The following SORCS2 variants were observed in gnomAD, a reference collection of about 807,000 sequenced individuals.
The protein encoded by SORCS2 is sortilin related VPS10 domain containing receptor 2, also known as VPS10 domain-containing receptor SorCS2.
SORCS2 carries 100 observed loss-of-function variants against 141.6 expected under a neutral mutation model. The observed-to-expected ratio is 0.71, with a 90% confidence interval of 0.60 to 0.83. SORCS2 has a LOEUF of 0.83. Among genes scored for constraint, SORCS2 ranks in the 40% least tolerant of loss-of-function variants. The pLI, the probability that SORCS2 is intolerant of heterozygous loss-of-function variation, is 0.00. For missense variants in SORCS2, 1,646 were observed against 1,560.2 expected (o/e 1.05, Z -0.93); for synonymous variants, 789 against 676.9 (o/e 1.17, Z -2.57).
intron 8 of SORCS2, among the ~76,000 whole-genome samples, chr4:7,669,137 TTTC>T (rs985998889): frequency 8.5e-5 from 13 of 152,344 alleles, no homozygotes; most frequent in African/African-American, 3.1e-4. Flanking sequence ...TTACACTGGT[TTTC>T]TTCTTCTTGC....
At position 7,265,445 on chromosome 4, in the gene SORCS2, T is replaced by A. The variant is rs554116204; in HGVS notation, c.480+72319T>A. Reference sequence around the variant, plus strand: ...GGCAGAGGGTGCAGTGAGCCGAGATTGCACCACTGCACTCCAGCCTGGTGA... The same window carrying A: ...GGCAGAGGGTGCAGTGAGCCGAGATAGCACCACTGCACTCCAGCCTGGTGA... On this transcript the variant is annotated intron_variant, in intron 1 of 26. Coordinates refer to ENST00000507866, the MANE Select transcript of SORCS2 (RefSeq NM_020777.3). Among the ~76,000 whole-genome samples the A allele has an allele frequency of 3.3e-5, 5 of 152,212 alleles. No homozygotes were observed. In the South Asian group the frequency reaches 6.2e-4, roughly 19 times the overall value.
At position 7,736,252 on chromosome 4, in the gene SORCS2, A is replaced by G. The variant is rs149231482; in HGVS notation, c.3312-817A>G. On this transcript the variant is annotated intron_variant, in intron 25 of 26. Transcript: ENST00000507866. ...CTTGGCCCTCGTCTCTCAAGGCTCT[A>G]GACTGAGGCAGCAGCGCTGCTTTGA... 3.1e-3 allele frequency among the ~76,000 whole-genome samples: 474 copies of G among 152,370 alleles called. 2 individuals are homozygous for G. The highest frequency in any genetic ancestry group is 0.011 in the African/African-American group (442 of 41,592).
chr4:7,544,762 C>T lies in SORCS2; in HGVS notation c.648+13133C>T, dbSNP rs543393710. 3.3e-5 allele frequency among the ~76,000 whole-genome samples: 5 copies of T among 152,344 alleles called. No individual in the cohort carries two copies. The East Asian group carries it at 7.7e-4, about 24-fold the overall frequency. Reference sequence around the variant, plus strand: ...ACCCACAGCTCCCTGAGAACGAAGCCAGGCTCCTGGAAGTCACCTGCCATC... The same window carrying T: ...ACCCACAGCTCCCTGAGAACGAAGCTAGGCTCCTGGAAGTCACCTGCCATC... On this transcript the variant is annotated intron_variant, in intron 3 of 26. Transcript: ENST00000507866.
At chr4:7,700,442 T>A (rs1300930227) in intron 12 of SORCS2, among the ~76,000 whole-genome samples, 1 of 152,174 alleles carries the variant, frequency 6.6e-6, no homozygotes, top group Non-Finnish European at 1.5e-5. Context: ...CCTGCATCTA[T>A]GCTGGCATCC....
At chr4:7,602,689 A>C (rs1168298780) in intron 3 of SORCS2, among the ~76,000 whole-genome samples, 1 of 148,014 alleles carries the variant, frequency 6.8e-6, no homozygotes, top group African/African-American at 2.5e-5. Context: ...GCGGCCGGGC[A>C]GAGGGGCTCC....
intron 1 of SORCS2, among the ~76,000 whole-genome samples, chr4:7,372,833 C>G (rs565663576): frequency 5.7e-4 from 87 of 152,144 alleles, no homozygotes; most frequent in African/African-American, 1.9e-3. Flanking sequence ...TGTGACCTTC[C>G]GGGCCTGGCT....
chr4:7,315,402 C>G (rs1718490536), intron 1 of SORCS2, among the ~76,000 whole-genome samples: 1 of 152,252 alleles, frequency 6.6e-6, no homozygotes, highest in Non-Finnish European at 1.5e-5. Context: ...TTGGCTCTGG[C>G]CAATGGCCAG....
intron 1 of SORCS2, among the ~76,000 whole-genome samples, chr4:7,321,733 C>T (rs1028880226): frequency 6.6e-6 from 1 of 152,158 alleles, no homozygotes. Context: ...CGTGGTTGAG[C>T]CCCCTGGGGG....
chr4:7,493,341 G>T (rs568155440), intron 2 of SORCS2, among the ~76,000 whole-genome samples: 2 of 152,290 alleles, frequency 1.3e-5, no homozygotes, highest in South Asian at 4.1e-4. Flanking sequence ...AATCCCATGT[G>T]GTCTCTTGCC....
intron 3 of SORCS2, among the ~76,000 whole-genome samples, chr4:7,602,810 C>G (rs1717816419): frequency 1.3e-5 from 2 of 152,202 alleles, no homozygotes. Flanking sequence ...AGGCAGGCGG[C>G]TGGGAGGTGG....
chr4:7,708,409 G>T (rs1354191446), intron 14 of SORCS2, among the ~76,000 whole-genome samples: 1 of 152,198 alleles, frequency 6.6e-6, no homozygotes, highest in Non-Finnish European at 1.5e-5. Flanking sequence ...TCCCAAGAAG[G>T]CGAGGGCCCC....
intron 2 of SORCS2, among the ~76,000 whole-genome samples, chr4:7,441,292 G>A (rs1357980250): frequency 1.3e-5 from 2 of 152,170 alleles, no homozygotes; most frequent in African/African-American, 4.8e-5. Flanking sequence ...CCAGGTGAGG[G>A]GCAGCCTGAG....
chr4:7,646,245 A>T (rs1434490386), intron 4 of SORCS2, among the ~76,000 whole-genome samples: 1 of 152,194 alleles, frequency 6.6e-6, no homozygotes, highest in Non-Finnish European at 1.5e-5. Context: ...CAGGCTGGGG[A>T]CAGTGCCGCC....
intron 1 of SORCS2, among the ~76,000 whole-genome samples, chr4:7,327,002 A>G (rs554624730): frequency 1.7e-3 from 263 of 152,286 alleles, no homozygotes; most frequent in Non-Finnish European, 3.3e-3. Context: ...ACCCCTGCCC[A>G]CAGCTGCTTG....
intron 1 of SORCS2, among the ~76,000 whole-genome samples, chr4:7,386,341 A>G (rs1442253862): frequency 8.6e-6 from 1 of 116,420 alleles, no homozygotes; most frequent in Non-Finnish European, 1.8e-5. Context: ...CCCACCATAC[A>G]CATGAACACA....
chr4:7,527,687 G>GC (rs1197301653), intron 2 of SORCS2, among the ~76,000 whole-genome samples: 1 of 151,450 alleles, frequency 6.6e-6, no homozygotes, highest in African/African-American at 2.5e-5. Context: ...AATCTCACAG[G>GC]CCCCCCCACC....
chr4:7,612,081 T>G (rs538347040), intron 3 of SORCS2, among the ~76,000 whole-genome samples: 96 of 152,226 alleles, frequency 6.3e-4, no homozygotes, highest in East Asian at 5.0e-3. Flanking sequence ...GCAGGGGCTG[T>G]GGGAGGAGTC....
chr4:7,724,606 ATAGTGC>A (rs1726971752), intron 19 of SORCS2, among the ~76,000 whole-genome samples: 4 of 38,118 alleles, frequency 1.0e-4, no homozygotes, highest in Non-Finnish European at 2.0e-4. Context: ...GATGGTGGTG[ATAGTGC>A]TGGTGAGGAT....
intron 2 of SORCS2, among the ~76,000 whole-genome samples, chr4:7,515,894 A>C (rs1445318198): frequency 6.6e-6 from 1 of 152,030 alleles, no homozygotes; most frequent in Non-Finnish European, 1.5e-5. Flanking sequence ...TTGCCGTGTC[A>C]CCTCGAGCAA....
Sources: gnomAD v4.1 joint callset for allele counts (sites outside exome capture counted in the v4.1 genomes callset) on GRCh38, gnomAD v4.1.1 for gene constraint, MANE v1.5 for transcripts, NCBI Gene and HGNC (gene_info 2026-07-23, HGNC 2026-07-21) for gene names.